CORIN: variants seen among roughly 807,000 people sequenced by gnomAD.
CORIN encodes the protein corin, serine peptidase.
Under a neutral mutation model 125.3 loss-of-function variants are expected in CORIN, and 117 were observed. The ratio of observed to expected loss-of-function variants is 0.93; its 90% CI spans 0.80 to 1.09. CORIN has a LOEUF of 1.09. Among genes scored for constraint, CORIN ranks in the 50% least tolerant of loss-of-function variants. The probability of loss-of-function intolerance (pLI) is 0.00; values close to 1 mark genes in which losing one functional copy is unlikely to be tolerated. For missense variants in CORIN, 1,253 were observed against 1,306.7 expected, an observed-to-expected ratio of 0.96 and a Z score of 0.63; for synonymous variants, 450 against 466.4, an observed-to-expected ratio of 0.96 and a Z score of 0.45.
At chr4:47,646,727 A>G (rs1457286134) in intron 13 of CORIN, among the ~76,000 whole-genome samples, 5 of 152,234 alleles carry the variant, frequency 3.3e-5, no homozygotes, top group Admixed American at 6.5e-5. Flanking sequence ...CATTTCATGT[A>G]AGGAACAAAA....
Position 47,706,276 on chromosome 4 carries a change from G to A in CORIN, c.800-13193C>T, listed in dbSNP as rs1185801145. ...TAGAAAAGTTCTTCCGAAATTTGTTGGTATCATAAGCTCTAAACTGCTCTA... is the reference window on the plus strand; with the variant it reads ...TAGAAAAGTTCTTCCGAAATTTGTTAGTATCATAAGCTCTAAACTGCTCTA... On this transcript the variant is annotated intron_variant, in intron 5 of 21. Coordinates refer to ENST00000273857, the MANE Select transcript of CORIN (RefSeq NM_006587.4). The A allele has an allele frequency of 6.4e-6, 5 of 787,244 alleles. No individual in the cohort carries two copies. The East Asian group carries it at 1.3e-4, about 20-fold the overall frequency. The allele number at this position is 787,244 out of a possible 1,614,324, so 48.8% of individuals were successfully genotyped here.
chr4:47,805,941 T>A lies in CORIN; in HGVS notation c.208+962A>T, dbSNP rs139622478. Among the ~76,000 whole-genome samples the A allele has an allele frequency of 3.9e-5, 6 of 152,320 alleles. No individual in the cohort carries two copies. The East Asian group carries it at 1.2e-3, about 29-fold the overall frequency. On this transcript the variant is annotated intron_variant, in intron 2 of 21. Coordinates refer to ENST00000273857, the MANE Select transcript of CORIN (RefSeq NM_006587.4). ...ATATTTTTTGAAATCCTGATTCATATCATTAGGTAGCCACCAGTGATAATA... is the reference window on the plus strand; with the variant it reads ...ATATTTTTTGAAATCCTGATTCATAACATTAGGTAGCCACCAGTGATAATA...
chr4:47,704,498 G>A (rs1726457483), intron 5 of CORIN, among the ~76,000 whole-genome samples: 1 of 152,028 alleles, frequency 6.6e-6, no homozygotes, highest in Non-Finnish European at 1.5e-5. Flanking sequence ...AGGGGTAAGA[G>A]GTTCAAAGAG....
intron 5 of CORIN, among the ~76,000 whole-genome samples, chr4:47,698,690 G>T (rs1392186922): frequency 6.6e-6 from 1 of 152,144 alleles, no homozygotes; most frequent in South Asian, 2.1e-4. Flanking sequence ...GATAGCAGCT[G>T]GGAGTCTATT....
intron 5 of CORIN, among the ~76,000 whole-genome samples, chr4:47,711,942 G>A (rs780480596): frequency 6.6e-6 from 1 of 152,174 alleles, no homozygotes; most frequent in Non-Finnish European, 1.5e-5. Flanking sequence ...CCAGCCTAGG[G>A]CTGTACCTAC....
At chr4:47,632,084 C>T (rs1463773629) in intron 16 of CORIN, 1 of 152,164 alleles carries the variant, frequency 6.6e-6, no homozygotes, top group East Asian at 1.9e-4. Flanking sequence ...ATAAATATCC[C>T]ATGCTTGAAT....
chr4:47,806,938 A>T lies in CORIN; in HGVS notation c.173T>A (p.Leu58His), dbSNP rs775946941. 3 of 1,613,868 alleles carry T rather than the reference A, an allele frequency of 1.9e-6. No homozygotes were observed. The highest frequency in any genetic ancestry group is 1.7e-6 in the Non-Finnish European group (2 of 1,179,850). ...LLVLIPCICA[L>H]VLLLVILLSY... ...AAGCAGGATCACCAGCAAGAGAACGAGAGCACAGATACATGGAATCAGGAC... is the reference window on the plus strand; with the variant it reads ...AAGCAGGATCACCAGCAAGAGAACGTGAGCACAGATACATGGAATCAGGAC... Residue 58 changes from leucine to histidine, a missense_variant, in exon 2 of 22, where the codon CTC (leucine) becomes CAC (histidine). Leu to His is a moderately conservative substitution (Grantham distance 99, BLOSUM62 -3). Transcript: ENST00000273857.
At chr4:47,759,598 A>G (rs1037746236) in intron 4 of CORIN, among the ~76,000 whole-genome samples, 1 of 152,220 alleles carries the variant, frequency 6.6e-6, no homozygotes, top group African/African-American at 2.4e-5. Context: ...AATGGCCAAC[A>G]GGTATATGAA....
chr4:47,757,867 C>CATATATTATGTAT (rs1453930155), intron 4 of CORIN, among the ~76,000 whole-genome samples: 237 of 91,720 alleles, frequency 2.6e-3, no homozygotes, highest in Non-Finnish European at 4.2e-3. Context: ...CATATATATA[C>CATATATTATGTAT]ATATATATAT....
At chr4:47,798,572 CAACA>C (rs1297359875) in intron 2 of CORIN, among the ~76,000 whole-genome samples, 1 of 152,122 alleles carries the variant, frequency 6.6e-6, no homozygotes, top group Non-Finnish European at 1.5e-5. Flanking sequence ...CTCATTACAA[CAACA>C]AACATCTCAG....
At chr4:47,736,307 A>C (rs1005075024) in intron 5 of CORIN, among the ~76,000 whole-genome samples, 6 of 152,294 alleles carry the variant, frequency 3.9e-5, no homozygotes, top group African/African-American at 1.4e-4. Flanking sequence ...ACAAACTTCC[A>C]TTTCTGGCCA....
At chr4:47,685,933 G>A (rs1725492056) in intron 6 of CORIN, among the ~76,000 whole-genome samples, 2 of 150,468 alleles carry the variant, frequency 1.3e-5, no homozygotes, top group Admixed American at 6.7e-5. Flanking sequence ...CTTGGCTGAT[G>A]AAGGCCAGAA....
At chr4:47,705,514 T>G (rs1178204769) in intron 5 of CORIN, among the ~76,000 whole-genome samples, 1 of 152,184 alleles carries the variant, frequency 6.6e-6, no homozygotes, top group East Asian at 1.9e-4. Flanking sequence ...AGATACATTC[T>G]GGCCACAATA....
intron 5 of CORIN, among the ~76,000 whole-genome samples, chr4:47,715,381 G>A (rs531308477): frequency 3.1e-4 from 47 of 152,244 alleles, no homozygotes; most frequent in African/African-American, 6.0e-4. Flanking sequence ...AGAGGCAGGC[G>A]GATTGCCTAA....
chr4:47,755,376 AC>A (rs755691677), intron 4 of CORIN, among the ~76,000 whole-genome samples: 4 of 152,044 alleles, frequency 2.6e-5, no homozygotes, highest in Admixed American at 2.0e-4. Context: ...AAAGTTTCAC[AC>A]CCCCAGTTCC....
At chr4:47,649,262 G>A (rs541515074) in intron 13 of CORIN, among the ~76,000 whole-genome samples, 1 of 152,314 alleles carries the variant, frequency 6.6e-6, no homozygotes, top group Admixed American at 6.5e-5. Context: ...TAAAAAGAGA[G>A]AACATCCAAC....
chr4:47,661,649 A>G (rs1724252403), intron 12 of CORIN, 62 bp downstream of exon 12: 28 of 1,416,338 alleles, frequency 2.0e-5, no homozygotes, highest in Middle Eastern at 3.7e-4. Flanking sequence ...GAAGAAATTC[A>G]AAAGGTAGCT....
intron 2 of CORIN, among the ~76,000 whole-genome samples, chr4:47,799,110 T>G (rs892119880): frequency 7.1e-6 from 1 of 140,274 alleles, no homozygotes; most frequent in Middle Eastern, 3.7e-3. Flanking sequence ...CCATGGGGTG[T>G]GTGTGTGTGT....
At chr4:47,829,016 G>C (rs972670545) in intron 1 of CORIN, among the ~76,000 whole-genome samples, 6 of 151,824 alleles carry the variant, frequency 4.0e-5, no homozygotes, top group Admixed American at 6.6e-5. Flanking sequence ...AAATTAGCCG[G>C]GCATGGTGGT....
Sources: gnomAD v4.1 joint callset for allele counts (sites outside exome capture counted in the v4.1 genomes callset) on GRCh38, gnomAD v4.1.1 for gene constraint, MANE v1.5 for transcripts, NCBI Gene and HGNC (gene_info 2026-07-23, HGNC 2026-07-21) for gene names.